The following ARHGEF3 variants were observed in gnomAD, a reference collection of about 807,000 sequenced individuals.
The protein encoded by ARHGEF3 is 59.8 kDA protein.
A neutral mutation model predicts 63.2 loss-of-function variants in ARHGEF3; 28 were observed. The ratio of observed to expected loss-of-function variants is 0.44; its 90% confidence interval spans 0.33 to 0.61. ARHGEF3 has a LOEUF of 0.61. Ranked by LOEUF, ARHGEF3 falls within the 20% of genes least tolerant of loss-of-function variation. ARHGEF3 has a pLI of 0.03. For missense variants in ARHGEF3, 533 were observed against 659.3 expected (o/e 0.81, Z 2.10); for synonymous variants, 266 against 254.2 (o/e 1.05, Z -0.44).
At chr3:57,045,417 C>A (rs990530933) in intron 1 of ARHGEF3, among the ~76,000 whole-genome samples, 1 of 152,200 alleles carries the variant, frequency 6.6e-6, no homozygotes, top group Non-Finnish European at 1.5e-5. Flanking sequence ...TAGGAAGGAA[C>A]AGGACACAGT....
chr3:57,029,855 TG>T (rs1205404430), intron 2 of ARHGEF3, among the ~76,000 whole-genome samples: 2 of 152,064 alleles, frequency 1.3e-5, no homozygotes, highest in Non-Finnish European at 2.9e-5. Flanking sequence ...TCCCTTATGT[TG>T]GGTTTCTGGC....
chr3:56,798,993 C>T (rs1002351160), intron 1 of ARHGEF3, among the ~76,000 whole-genome samples: 1 of 152,078 alleles, frequency 6.6e-6, no homozygotes, highest in Non-Finnish European at 1.5e-5. Flanking sequence ...ATTATAATCC[C>T]TGTAGAATAT....
rs533136463 is a variant in ARHGEF3, at chr3:56,819,837, T to C, written c.193-46021A>G. Among the ~76,000 whole-genome samples the C allele has an allele frequency of 2.7e-4, 41 of 150,866 alleles. No individual in the cohort carries two copies. In the East Asian group the frequency reaches 4.6e-3, roughly 17 times the overall value. ...CATCTGGTGCAACTTTTTTTTTTTT[T>C]CTCATTTTGTCATCCAGGCTGGAGG... On this transcript the variant is annotated intron_variant, in intron 4 of 12. Coordinates refer to the ARHGEF3 transcript ENST00000338458.
intron 4 of ARHGEF3, among the ~76,000 whole-genome samples, chr3:56,871,759 A>G: frequency 6.6e-6 from 1 of 152,200 alleles, no homozygotes; most frequent in East Asian, 1.9e-4. Context: ...TTCATAATCT[A>G]GAATTCTCAG....
At chr3:56,791,865 T>A (rs1309868867) in intron 1 of ARHGEF3, among the ~76,000 whole-genome samples, 1 of 73,766 alleles carries the variant, frequency 1.4e-5, no homozygotes, top group Non-Finnish European at 2.3e-5. Flanking sequence ...AATAGCAAAA[T>A]TAAAAAAAAA....
chr3:56,967,312 ATT>A (rs371104860), intron 2 of ARHGEF3, among the ~76,000 whole-genome samples: 4,108 of 55,014 alleles, frequency 0.075, 593 homozygotes, highest in East Asian at 0.17. Flanking sequence ...TATATTATAT[ATT>A]ATATATTATA....
intron 2 of ARHGEF3, among the ~76,000 whole-genome samples, chr3:56,757,015 T>C (rs2035115815): frequency 6.6e-6 from 1 of 152,222 alleles, no homozygotes. Flanking sequence ...TGCTCTTAAC[T>C]AGAAACTTCC....
At chr3:56,775,801 C>CAT (rs1491438113) in intron 1 of ARHGEF3, 2 of 115,896 alleles carry the variant, frequency 1.7e-5, no homozygotes, top group African/African-American at 1.8e-4. Flanking sequence ...CACGCGCAAG[C>CAT]ACACACACAC....
chr3:57,030,801 C>A (rs1486079418), intron 2 of ARHGEF3, among the ~76,000 whole-genome samples: 1 of 152,170 alleles, frequency 6.6e-6, no homozygotes, highest in Admixed American at 6.5e-5. Context: ...TACTCTTGGG[C>A]CCCTAAAGTG....
chr3:57,061,894 T>C (rs892686486), intron 1 of ARHGEF3, among the ~76,000 whole-genome samples: 1 of 152,236 alleles, frequency 6.6e-6, no homozygotes, highest in African/African-American at 2.4e-5. Flanking sequence ...GCAGCATCAG[T>C]ATCTGAGCCC....
intron 1 of ARHGEF3, among the ~76,000 whole-genome samples, chr3:56,792,113 A>AAAAAGAAAAG (rs373883575): frequency 2.6e-4 from 37 of 140,012 alleles, no homozygotes; most frequent in African/African-American, 8.0e-4. Context: ...CAAAAAAAAA[A>AAAAAGAAAAG]AAAAGAAAAG....
chr3:56,836,585 T>C (rs535489666), intron 4 of ARHGEF3, among the ~76,000 whole-genome samples: 4 of 151,934 alleles, frequency 2.6e-5, no homozygotes, highest in Non-Finnish European at 5.9e-5. Flanking sequence ...TTCTGAATGA[T>C]ACAAACCAGT....
At chr3:56,890,936 C>T (rs1035579681) in intron 3 of ARHGEF3, among the ~76,000 whole-genome samples, 2 of 152,160 alleles carry the variant, frequency 1.3e-5, no homozygotes, top group Non-Finnish European at 2.9e-5. Context: ...TTTGATTTAT[C>T]TCTTTGCTGG....
chr3:57,071,404 G>A (rs950905028), intron 1 of ARHGEF3, among the ~76,000 whole-genome samples: 10 of 152,138 alleles, frequency 6.6e-5, no homozygotes, highest in Non-Finnish European at 1.3e-4. Flanking sequence ...GCTCATGCCT[G>A]TAATCCCAGC....
At chr3:56,757,116 TA>T (rs2035121415) in intron 2 of ARHGEF3, among the ~76,000 whole-genome samples, 1 of 152,204 alleles carries the variant, frequency 6.6e-6, no homozygotes, top group African/African-American at 2.4e-5. Flanking sequence ...GATTCAACAA[TA>T]AAATTCCAGA....
At chr3:56,918,711 C>T (rs918408022) in intron 3 of ARHGEF3, among the ~76,000 whole-genome samples, 1 of 152,180 alleles carries the variant, frequency 6.6e-6, no homozygotes, top group Non-Finnish European at 1.5e-5. Flanking sequence ...TAGTAAGAGG[C>T]TCTGATCCGC....
intron 1 of ARHGEF3, among the ~76,000 whole-genome samples, chr3:56,794,371 C>G (rs1055781720): frequency 6.6e-6 from 1 of 151,534 alleles, no homozygotes; most frequent in Non-Finnish European, 1.5e-5. Flanking sequence ...GCCTGTAATC[C>G]CAGCTACTCG....
chr3:56,883,841 G>T (rs1015657666), intron 3 of ARHGEF3, among the ~76,000 whole-genome samples: 5 of 152,182 alleles, frequency 3.3e-5, no homozygotes, highest in African/African-American at 1.2e-4. Flanking sequence ...CCCAAAAGAA[G>T]TCAGCCTCCT....
chr3:56,770,885 G>A (rs899028740), intron 2 of ARHGEF3, among the ~76,000 whole-genome samples: 5 of 152,148 alleles, frequency 3.3e-5, no homozygotes, highest in Non-Finnish European at 7.3e-5. Context: ...GCCGAGGCAG[G>A]TGGATCACTT....
Sources: gnomAD v4.1 joint callset for allele counts (sites outside exome capture counted in the v4.1 genomes callset) on GRCh38, gnomAD v4.1.1 for gene constraint, MANE v1.5 for transcripts, NCBI Gene and HGNC (gene_info 2026-07-23, HGNC 2026-07-21) for gene names.